AFF3: variants seen among roughly 807,000 people sequenced by gnomAD.
The protein encoded by AFF3 is AF4/FMR2 family member 3.
In AFF3, 32 loss-of-function variants were observed where a neutral mutation model predicts 129.7. That is an observed-to-expected ratio of 0.25 (90% CI 0.19 to 0.33). The LOEUF is 0.33. AFF3 is among the 10% of genes least tolerant of loss of function. The pLI is 1.00. For missense variants in AFF3, 1,373 were observed against 1,592.0 expected (o/e 0.86, Z 2.34); for synonymous variants, 644 against 635.4 (o/e 1.01, Z -0.20).
intron 8 of AFF3, among the ~76,000 whole-genome samples, chr2:99,790,978 C>T (rs1478777446): frequency 3.9e-5 from 6 of 152,186 alleles, no homozygotes; most frequent in Non-Finnish European, 7.3e-5. Context: ...ACAGAAAGAA[C>T]GAAGCGAGTA....
intron 4 of AFF3, among the ~76,000 whole-genome samples, chr2:100,017,260 C>T (rs1259817408): frequency 6.6e-6 from 1 of 152,038 alleles, no homozygotes; most frequent in Non-Finnish European, 1.5e-5. Flanking sequence ...CTCTACTTTC[C>T]CCCAACAGCA....
At chr2:99,970,356 A>C (rs1678235895) in intron 7 of AFF3, among the ~76,000 whole-genome samples, 1 of 152,102 alleles carries the variant, frequency 6.6e-6, no homozygotes, top group Admixed American at 6.6e-5. Flanking sequence ...CTACAGCTTG[A>C]AACAGCCACT....
chr2:99,765,884 C>A (rs1448527459), intron 8 of AFF3, among the ~76,000 whole-genome samples: 1 of 152,182 alleles, frequency 6.6e-6, no homozygotes, highest in Non-Finnish European at 1.5e-5. Flanking sequence ...ACCACTAAAG[C>A]AGCATGTCCA....
Position 99,808,985 on chromosome 2 carries a change from A to C in AFF3, c.921+28492T>G, listed in dbSNP as rs567044079. On this transcript the variant is annotated intron_variant, in intron 8 of 24. Coordinates refer to ENST00000672756, the MANE Select transcript of AFF3 (RefSeq NM_001386135.1). The stretch of plus-strand genomic sequence containing the variant: ...GAGTTTTTGTTTCCTTTGCAAGCAC[A>C]GGAGTTCGTTCCCTGGGCAGGAGAA... 3.9e-5 allele frequency among the ~76,000 whole-genome samples: 6 copies of C among 152,360 alleles called. No individual in the cohort carries two copies. The South Asian group carries it at 1.2e-3, about 32-fold the overall frequency.
At chr2:99,933,602 T>C (rs143328099) in intron 7 of AFF3, among the ~76,000 whole-genome samples, 3,055 of 152,232 alleles carry the variant, frequency 0.02, 111 homozygotes, top group African/African-American at 0.071. Context: ...AGTGTTTGGT[T>C]TTCTGTTCTT....
At chr2:100,026,769 C>T (rs926313943) in intron 4 of AFF3, among the ~76,000 whole-genome samples, 2 of 149,910 alleles carry the variant, frequency 1.3e-5, no homozygotes, top group African/African-American at 2.4e-5. Flanking sequence ...AATGAATTAA[C>T]GACATTTGCA....
intron 7 of AFF3, among the ~76,000 whole-genome samples, chr2:99,862,307 G>A (rs1324988732): frequency 8.5e-5 from 13 of 152,292 alleles, no homozygotes; most frequent in African/African-American, 2.6e-4. Flanking sequence ...GCCAGGGACT[G>A]TCCTCTGCAG....
Position 99,601,481 on chromosome 2 carries a change from G to C in AFF3, c.1325C>G (p.Ser442Cys). 1 of 1,610,328 alleles carries C rather than the reference G, an allele frequency of 6.2e-7. No individual in the cohort carries two copies. The highest frequency in any genetic ancestry group is 8.5e-7 in the Non-Finnish European group (1 of 1,178,598). The change falls in exon 14 of 25, where the codon TCC (serine) becomes TGC (cysteine). Residue 442 changes from serine to cysteine, a missense_variant. Transcript: ENST00000672756. ...GGGCTTGCTGCCCTCACTCTCGCTG[G>C]AGCTGCTCTCGGTCTCCGAGTCAGA... ...SGSDSETESS[S>C]SESEGSKPPH...
intron 18 of AFF3, among the ~76,000 whole-genome samples, chr2:99,575,625 G>C (rs1026443251): frequency 6.6e-6 from 1 of 152,054 alleles, no homozygotes; most frequent in Non-Finnish European, 1.5e-5. Context: ...TTGAGTGGCT[G>C]TTTGAGTTGC....
intron 4 of AFF3, among the ~76,000 whole-genome samples, chr2:100,040,609 G>A (rs1573222881): frequency 6.6e-6 from 1 of 152,120 alleles, no homozygotes; most frequent in East Asian, 1.9e-4. Flanking sequence ...GAGCGACCAG[G>A]GCTGATGTCA....
At chr2:100,048,905 TCCCACC>T (rs1686054792) in intron 4 of AFF3, among the ~76,000 whole-genome samples, 1 of 152,134 alleles carries the variant, frequency 6.6e-6, no homozygotes, top group African/African-American at 2.4e-5. Flanking sequence ...AATTTAAAAA[TCCCACC>T]TTAATATATA....
At chr2:99,980,369 A>T (rs1679294851) in intron 7 of AFF3, among the ~76,000 whole-genome samples, 1 of 152,200 alleles carries the variant, frequency 6.6e-6, no homozygotes, top group Non-Finnish European at 1.5e-5. Context: ...GACTCTCTGG[A>T]AGGAGCATAC....
At chr2:99,959,921 G>A (rs1399495291) in intron 7 of AFF3, among the ~76,000 whole-genome samples, 1 of 151,860 alleles carries the variant, frequency 6.6e-6, no homozygotes, top group Non-Finnish European at 1.5e-5. Context: ...CCCAAGCAAA[G>A]GACCACAGAT....
intron 10 of AFF3, among the ~76,000 whole-genome samples, chr2:99,731,601 T>A (rs903988642): frequency 2.6e-4 from 40 of 152,316 alleles, no homozygotes; most frequent in African/African-American, 9.4e-4. Flanking sequence ...TATTGAGTCA[T>A]CCTCCTTAAT....
At chr2:99,925,881 A>T (rs919957143) in intron 7 of AFF3, among the ~76,000 whole-genome samples, 1 of 152,218 alleles carries the variant, frequency 6.6e-6, no homozygotes, top group African/African-American at 2.4e-5. Context: ...ATTCCCAGGG[A>T]GTTGCTGTAC....
intron 13 of AFF3, chr2:99,630,856 G>A: frequency 4.0e-6 from 1 of 249,686 alleles, no homozygotes; most frequent in Non-Finnish European, 8.9e-6. Flanking sequence ...GACAATTCCA[G>A]ATGAGATTTG....
intron 8 of AFF3, among the ~76,000 whole-genome samples, chr2:99,761,802 C>T (rs1418605151): frequency 2.0e-5 from 3 of 152,166 alleles, no homozygotes; most frequent in East Asian, 1.9e-4. Flanking sequence ...AGTTCCATCT[C>T]GAACACTTAC....
chr2:100,063,055 A>T (rs11680846), intron 4 of AFF3, among the ~76,000 whole-genome samples: 19,469 of 152,150 alleles, frequency 0.13, 1,582 homozygotes, highest in South Asian at 0.2. Flanking sequence ...GTTCAGGACC[A>T]GCCTGGCCAA....
At chr2:100,078,944 CTTT>C (rs35031023) in intron 4 of AFF3, among the ~76,000 whole-genome samples, 5 of 131,178 alleles carry the variant, frequency 3.8e-5, no homozygotes, top group Admixed American at 1.5e-4. Flanking sequence ...TGAATATTTT[CTTT>C]TTTTTTTTTT....
Sources: gnomAD v4.1 joint callset for allele counts (sites outside exome capture counted in the v4.1 genomes callset) on GRCh38, gnomAD v4.1.1 for gene constraint, MANE v1.5 for transcripts, NCBI Gene and HGNC (gene_info 2026-07-23, HGNC 2026-07-21) for gene names.